Variants in RHBDD1 observed in about 807,000 individuals in gnomAD.
RHBDD1 encodes rhomboid domain containing 1.
Under a neutral mutation model 36.3 loss-of-function variants are expected in RHBDD1, and 38 were observed. The observed-to-expected ratio is 1.05, with a 90% CI of 0.81 to 1.37. RHBDD1 has a LOEUF of 1.37. Among genes scored for constraint, RHBDD1 ranks in the 40% most tolerant of loss-of-function variants. The pLI is 0.00. For missense variants in RHBDD1, 393 were observed against 377.6 expected (o/e 1.04, Z -0.34); for synonymous variants, 151 against 136.5 (o/e 1.11, Z -0.74).
At chr2:226,882,810 TCA>T (rs1264369604) in intron 5 of RHBDD1, among the ~76,000 whole-genome samples, 1 of 152,198 alleles carries the variant, frequency 6.6e-6, no homozygotes, top group Non-Finnish European at 1.5e-5. Flanking sequence ...AATTTATTTC[TCA>T]CACTTCTGGA....
Position 226,971,523 on chromosome 2 carries a change from C to A in RHBDD1, c.857-23908C>A, listed in dbSNP as rs2177594. The stretch of plus-strand genomic sequence containing the variant: ...GGCATGAGAAAGAATAGACTACCAG[C>A]TTATTTGACTTTTGATAAGTTCATG... On this transcript the variant is annotated intron_variant, in intron 8 of 8. Coordinates refer to ENST00000392062, the MANE Select transcript of RHBDD1 (RefSeq NM_001167608.3). Among the ~76,000 whole-genome samples, 10 of 152,108 alleles carry A rather than the reference C, an allele frequency of 6.6e-5. No individual in the cohort carries two copies. In the South Asian group the frequency reaches 1.0e-3, roughly 16 times the overall value.
chr2:226,954,416 G>A (rs139936451), intron 8 of RHBDD1, among the ~76,000 whole-genome samples: 2,378 of 152,132 alleles, frequency 0.016, 30 homozygotes, highest in Non-Finnish European at 0.022. Flanking sequence ...CCCTTGTTTT[G>A]TTTTTATTAT....
At chr2:226,913,699 G>A (rs954239897) in intron 7 of RHBDD1, among the ~76,000 whole-genome samples, 2 of 151,966 alleles carry the variant, frequency 1.3e-5, no homozygotes, top group Non-Finnish European at 2.9e-5. Flanking sequence ...CTCTGACATA[G>A]AATTACAATT....
chr2:226,912,147 C>T (rs1404821907), intron 7 of RHBDD1, among the ~76,000 whole-genome samples: 1 of 152,138 alleles, frequency 6.6e-6, no homozygotes, highest in South Asian at 2.1e-4. Flanking sequence ...ATCAAAACCA[C>T]AGTGAGATAC....
chr2:226,833,619 C>T (rs1463625485), upstream of RHBDD1, among the ~76,000 whole-genome samples: 3 of 152,204 alleles, frequency 2.0e-5, no homozygotes, highest in African/African-American at 7.2e-5. Flanking sequence ...ATATTATGCA[C>T]AATGTGCATA....
chr2:226,931,787 T>C (rs891466672), intron 8 of RHBDD1, among the ~76,000 whole-genome samples: 2 of 152,136 alleles, frequency 1.3e-5, no homozygotes, highest in African/African-American at 4.8e-5. Context: ...ATGGATCCTC[T>C]TAGTTCTTTT....
chr2:226,906,778 C>T lies in RHBDD1; in HGVS notation c.567-15C>T. On this transcript the variant is annotated splice_polypyrimidine_tract_variant and intron_variant, in intron 5 of 8. Transcript: ENST00000392062. Reference sequence around the variant, plus strand: ...AGCAGAACAAACACTCACAAAGGGTCTCCTTCCCTCCTAGGACTTCCTTCG... The same window carrying T: ...AGCAGAACAAACACTCACAAAGGGTTTCCTTCCCTCCTAGGACTTCCTTCG... 1 of 1,613,882 alleles carries T rather than the reference C, an allele frequency of 6.2e-7. No individual in the cohort carries two copies. Among genetic ancestry groups the T allele is most frequent in the Non-Finnish European group, 8.5e-7 (1 of 1,179,874 alleles).
Position 226,952,083 on chromosome 2 carries a change from G to A in RHBDD1, c.856+37732G>A, listed in dbSNP as rs187466907. The stretch of plus-strand genomic sequence containing the variant: ...TAGTGGAGTTGGGGTGAGGGAGTGT[G>A]CACAGAGATGGTAGCGTGCAGCCCA... On this transcript the variant is annotated intron_variant, in intron 8 of 8. Coordinates refer to ENST00000392062, the MANE Select transcript of RHBDD1 (RefSeq NM_001167608.3). Among the ~76,000 whole-genome samples the A allele has an allele frequency of 1.5e-3, 233 of 152,240 alleles. 1 individual carries two copies. The highest frequency in any genetic ancestry group is 4.9e-3 in the African/African-American group (204 of 41,552).
chr2:226,913,774 A>G (rs918287587), intron 7 of RHBDD1, among the ~76,000 whole-genome samples: 2 of 152,168 alleles, frequency 1.3e-5, no homozygotes, highest in Non-Finnish European at 2.9e-5. Flanking sequence ...TCTGTATGAA[A>G]CATTGGTCTG....
chr2:226,873,914 A>G (rs1945003688), intron 5 of RHBDD1, among the ~76,000 whole-genome samples: 1 of 152,172 alleles, frequency 6.6e-6, no homozygotes. Context: ...TTATAAACCA[A>G]AGAAGTTTAA....
At chr2:226,925,142 A>T (rs1449152406) in intron 8 of RHBDD1, among the ~76,000 whole-genome samples, 1 of 152,234 alleles carries the variant, frequency 6.6e-6, no homozygotes, top group East Asian at 1.9e-4. Context: ...TATGCTGCTG[A>T]TATGAATGCA....
intron 8 of RHBDD1, 83 bp from the exon 9 acceptor site, chr2:226,995,348 C>T: frequency 2.5e-6 from 2 of 813,560 alleles, no homozygotes; most frequent in South Asian, 3.0e-5. Flanking sequence ...CCCAAGCTAT[C>T]ACTTTGTTCC....
intron 3 of RHBDD1, among the ~76,000 whole-genome samples, chr2:226,855,609 TTCTTAA>T (rs1943245634): frequency 6.6e-6 from 1 of 152,230 alleles, no homozygotes; most frequent in South Asian, 2.1e-4. Context: ...GTGAGAAAGT[TTCTTAA>T]TATGGTTATA....
Position 226,914,827 on chromosome 2 carries a change from T to C in RHBDD1, c.856+476T>C, listed in dbSNP as rs145614237. Among the ~76,000 whole-genome samples, 973 of 152,276 alleles carry C rather than the reference T, an allele frequency of 6.4e-3. 7 individuals carry two copies. The highest frequency in any genetic ancestry group is 0.022 in the African/African-American group (922 of 41,558). On this transcript the variant is annotated intron_variant, in intron 8 of 8. Coordinates refer to ENST00000392062, the MANE Select transcript of RHBDD1 (RefSeq NM_001167608.3). ...TGTCTGGGGGTAGAGCCTAGAAATT[T>C]GTGTTTTGAACAGGCTTTCCAGGAG...
chr2:226,870,159 G>A lies in RHBDD1; in HGVS notation c.566+2841G>A, dbSNP rs75877054. 7.8e-3 allele frequency among the ~76,000 whole-genome samples: 1,193 copies of A among 152,282 alleles called. 6 individuals are homozygous for A. The highest frequency in any genetic ancestry group is 0.013 in the Non-Finnish European group (912 of 68,012). On this transcript the variant is annotated intron_variant, in intron 5 of 8. Coordinates refer to ENST00000392062, the MANE Select transcript of RHBDD1 (RefSeq NM_001167608.3). ...GGCCGGGCTCACATACTGGCCGTGG[G>A]ACCTCGGGCAAGGTACACAGCCTCT...
At chr2:226,958,454 C>G (rs992741179) in intron 8 of RHBDD1, among the ~76,000 whole-genome samples, 4 of 152,024 alleles carry the variant, frequency 2.6e-5, no homozygotes, top group Non-Finnish European at 4.4e-5. Flanking sequence ...TAAAGATGTT[C>G]TAAAATTGAT....
intron 8 of RHBDD1, among the ~76,000 whole-genome samples, chr2:226,958,540 A>G (rs967871296): frequency 6.6e-6 from 1 of 152,228 alleles, no homozygotes; most frequent in Non-Finnish European, 1.5e-5. Flanking sequence ...CGAATTGTGT[A>G]GTATAGAAAT....
At chr2:226,947,573 C>T (rs1207302247) in intron 8 of RHBDD1, among the ~76,000 whole-genome samples, 1 of 152,110 alleles carries the variant, frequency 6.6e-6, no homozygotes, top group Non-Finnish European at 1.5e-5. Context: ...TTAGGATTGA[C>T]TTGGCGATGC....
At chr2:226,964,860 C>T (rs987009029) in intron 8 of RHBDD1, among the ~76,000 whole-genome samples, 1 of 152,192 alleles carries the variant, frequency 6.6e-6, no homozygotes, top group African/African-American at 2.4e-5. Context: ...AGCCAGGTCA[C>T]ACAGGGCCTT....
Sources: gnomAD v4.1 joint callset for allele counts (sites outside exome capture counted in the v4.1 genomes callset) on GRCh38, gnomAD v4.1.1 for gene constraint, MANE v1.5 for transcripts, NCBI Gene and HGNC (gene_info 2026-07-23, HGNC 2026-07-21) for gene names.